The following GFER variants were observed in gnomAD, a reference collection of about 807,000 sequenced individuals.
GFER encodes growth factor, augmenter of liver regeneration.
A neutral mutation model predicts 18.2 loss-of-function variants in GFER; 24 were observed. That is an observed-to-expected ratio of 1.32 (90% CI 0.96 to 1.86). The LOEUF is 1.86. GFER is among the 40% of genes most tolerant of loss of function. The probability of loss-of-function intolerance (pLI) is 0.00; values close to 1 mark genes in which losing one functional copy is unlikely to be tolerated. For missense variants in GFER, 316 were observed against 295.6 expected (o/e 1.07, Z -0.51); for synonymous variants, 138 against 126.9 (o/e 1.09, Z -0.59).
chr16:1,985,042 G>C, intron 2 of GFER, 99 bp downstream of exon 2: 1 of 958,798 alleles, frequency 1.0e-6, no homozygotes, highest in Non-Finnish European at 1.6e-6. Context: ...CGGATGCAGA[G>C]GTGGCAGAAG....
intron 2 of GFER, 109 bp from the exon 3 acceptor site, chr16:1,985,757 G>A (rs1421063527): frequency 2.3e-5 from 23 of 1,007,116 alleles, no homozygotes; most frequent in South Asian, 1.3e-5. Context: ...ACTCCCAGGT[G>A]TAGTTCACAG....
chr16:1,984,515 C>T (rs2083551652), intron 1 of GFER, 39 bp downstream of exon 1: 5 of 1,542,438 alleles, frequency 3.2e-6, no homozygotes, highest in East Asian at 2.4e-5. Context: ...CCCCGCGCAG[C>T]CCCTGTCCCC....
rs1334563929 is a variant in GFER, at chr16:1,984,349, C to T, written c.131C>T (p.Ala44Val). The T allele has an allele frequency of 6.6e-7, 1 of 1,509,452 alleles. No individual in the cohort carries two copies. 93.5% of individuals were successfully genotyped at this position (1,509,452 alleles called of 1,614,324 possible). Residue 44 changes from alanine to valine, a missense_variant, in exon 1 of 3, where the codon GCG (alanine) becomes GTG (valine). By Grantham distance (64) the Ala-to-Val change is moderately conservative. Transcript: ENST00000248114. ...GGCCGGGGCGCGGGGCGGAGAGACGCGGCCGCCTCGGCCTCGACGCCAGCC... is the reference window on the plus strand; with the variant it reads ...GGCCGGGGCGCGGGGCGGAGAGACGTGGCCGCCTCGGCCTCGACGCCAGCC... The part of the protein sequence containing the change: ...ARGRGAGRRD[A>V]AASASTPAQA...
At position 1,984,274 on chromosome 16, in the gene GFER, C is replaced by CG; in HGVS notation, c.62dup (p.Ala22ArgfsTer71). ...CACGGCGGGAACCTCTTCTTCCTGCCGGGGGGCGCGCGCTCCGAGATGATG... is the reference window on the plus strand; with the variant it reads ...CACGGCGGGAACCTCTTCTTCCTGCCGGGGGGGCGCGCGCTCCGAGATGATG... On this transcript the variant is annotated frameshift_variant, in exon 1 of 3. Coordinates refer to ENST00000248114, the MANE Select transcript of GFER (RefSeq NM_005262.3). LOFTEE classifies it high-confidence loss of function. 2.7e-6 allele frequency: 4 copies of CG among 1,478,922 alleles called. No homozygotes were observed. The highest frequency in any genetic ancestry group is 2.4e-5 in the Admixed American group (1 of 42,068). The allele number at this position is 1,478,922 out of a possible 1,614,324, so 91.6% of individuals were successfully genotyped here. A position where few individuals can be genotyped will look rare whatever the true frequency, so the allele number is the denominator to read the frequency against.
In GFER at chr16:1,986,147, A is replaced by T; in HGVS notation, c.*119A>T. 9.2e-7 allele frequency: 1 copy of T among 1,088,298 alleles called. No individual in the cohort carries two copies. Among genetic ancestry groups the T allele is most frequent in the Non-Finnish European group, 1.4e-6 (1 of 726,788 alleles). 67.4% of individuals were successfully genotyped at this position (1,088,298 alleles called of 1,614,324 possible). A position where few individuals can be genotyped will look rare whatever the true frequency, so the allele number is the denominator to read the frequency against. ...GTGTCTCAGTTGGGTGGTCCCCAGG[A>T]CACTGCCTGTGGGGACCTGCCCTGC... On this transcript the variant is annotated 3_prime_UTR_variant, in exon 3 of 3. Coordinates refer to ENST00000248114, the MANE Select transcript of GFER (RefSeq NM_005262.3).
chr16:1,985,779 C>G, intron 2 of GFER, 87 bp from the exon 3 acceptor site: 1 of 1,238,760 alleles, frequency 8.1e-7, no homozygotes. Flanking sequence ...AGTGCCCCAG[C>G]TCTCCTTCCT....
chr16:1,986,459 G>A lies in GFER; in HGVS notation c.*431G>A, dbSNP rs1003357467. 1.5e-5 allele frequency: 5 copies of A among 339,872 alleles called. No homozygotes were observed. Among genetic ancestry groups the A allele is most frequent in the South Asian group, 1.2e-4 (5 of 43,066 alleles). The allele number at this position is 339,872 out of a possible 1,614,324, so 21.1% of individuals were successfully genotyped here. On this transcript the variant is annotated 3_prime_UTR_variant, in exon 3 of 3. Transcript: ENST00000248114. Reference sequence around the variant, plus strand: ...AGCCAGGGATGCCCCTGCCCCCCATGGCTCTGTGCTGCTCACTTTAGGGGG... The same window carrying A: ...AGCCAGGGATGCCCCTGCCCCCCATAGCTCTGTGCTGCTCACTTTAGGGGG...
chr16:1,986,128 C>T lies in GFER; in HGVS notation c.*100C>T. ...ATCACAGCCAGAGCCTGTTGTGTCT[C>T]AGTTGGGTGGTCCCCAGGACACTGC... is the stretch of plus-strand genomic sequence containing the variant. On this transcript the variant is annotated 3_prime_UTR_variant, in exon 3 of 3. Transcript: ENST00000248114. 7.8e-7 allele frequency: 1 copy of T among 1,289,742 alleles called. No homozygotes were observed. Among genetic ancestry groups the T allele is most frequent in the East Asian group, 2.3e-5 (1 of 42,976 alleles). 79.9% of individuals were successfully genotyped at this position (1,289,742 alleles called of 1,614,324 possible).
Position 1,986,419 on chromosome 16 carries a change from G to C in GFER, c.*391G>C, listed in dbSNP as rs762340954. 26 of 355,036 alleles carry C rather than the reference G, an allele frequency of 7.3e-5. No individual in the cohort carries two copies. Among genetic ancestry groups the C allele is most frequent in the Non-Finnish European group, 1.3e-4 (24 of 181,096 alleles). The allele number at this position is 355,036 out of a possible 1,614,324, so 22.0% of individuals were successfully genotyped here. A position where few individuals can be genotyped will look rare whatever the true frequency, so the allele number is the denominator to read the frequency against. On this transcript the variant is annotated 3_prime_UTR_variant, in exon 3 of 3. Transcript: ENST00000248114. Reference sequence around the variant, plus strand: ...GCCTGTCCCTGGCGGCCAGGCCATTGCCTTCCCACTATGCAGCCAGGGATG... The same window carrying C: ...GCCTGTCCCTGGCGGCCAGGCCATTCCCTTCCCACTATGCAGCCAGGGATG...
chr16:1,987,672 G>GCC lies in GFER; in HGVS notation c.*1651_*1652dup, dbSNP rs372788926. ...TCTGCTGTCCCTCCCCTGCCCCCCTGCCCCCCCCACCGCCTTCCCTTTTTC... is the reference window on the plus strand; with the variant it reads ...TCTGCTGTCCCTCCCCTGCCCCCCTGCCCCCCCCCCACCGCCTTCCCTTTTTC... On this transcript the variant is annotated 3_prime_UTR_variant, in exon 3 of 3. Coordinates refer to ENST00000248114, the MANE Select transcript of GFER (RefSeq NM_005262.3). 2.3e-5 allele frequency: 3 copies of GCC among 127,966 alleles called. No individual in the cohort carries two copies. Among genetic ancestry groups the GCC allele is most frequent in the Non-Finnish European group, 5.0e-5 (3 of 60,304 alleles). 7.9% of individuals were successfully genotyped at this position (127,966 alleles called of 1,614,324 possible).
In GFER at chr16:1,984,472, A is replaced by G; in HGVS notation, c.254A>G (p.Gln85Arg). ...TTCAAGACGTGGATGCGGACGCAGC[A>G]GAAGGTGCAGTTCCCTGCCCGATTT... ...VDFKTWMRTQ[Q>R]KRDTKFREDC... Residue 85 changes from glutamine to arginine, a missense_variant, in exon 1 of 3, where the codon CAG (glutamine) becomes CGG (arginine). Physicochemically the swap from Gln to Arg is conservative, Grantham distance 43. Coordinates refer to ENST00000248114, the MANE Select transcript of GFER (RefSeq NM_005262.3). 1.9e-6 allele frequency: 3 copies of G among 1,558,658 alleles called. No individual in the cohort carries two copies. The highest frequency in any genetic ancestry group is 2.6e-6 in the Non-Finnish European group (3 of 1,156,124).
rs907938377 is a variant in GFER at position 1,986,304 on chromosome 16, G to C, written c.*276G>C. 4.1e-6 allele frequency: 2 copies of C among 483,644 alleles called. No homozygotes were observed. The highest frequency in any genetic ancestry group is 7.6e-6 in the Non-Finnish European group (2 of 262,036). 30.0% of individuals were successfully genotyped at this position (483,644 alleles called of 1,614,324 possible). A position where few individuals can be genotyped will look rare whatever the true frequency, so the allele number is the denominator to read the frequency against. ...GGAGGAGCAGCCTGGGCTGCCCCTT[G>C]ACATTCAGGATGTAGCTTCCTGCCC... On this transcript the variant is annotated 3_prime_UTR_variant, in exon 3 of 3. Coordinates refer to ENST00000248114, the MANE Select transcript of GFER (RefSeq NM_005262.3).
In GFER at chr16:1,986,728, C is replaced by T. The variant is rs768610681; in HGVS notation, c.*700C>T. On this transcript the variant is annotated 3_prime_UTR_variant, in exon 3 of 3. Coordinates refer to ENST00000248114, the MANE Select transcript of GFER (RefSeq NM_005262.3). The stretch of plus-strand genomic sequence containing the variant: ...GGGCTTAATAAAGCAGTAGACAGGG[C>T]TTGTTCCATCCCTCTGTGCTCAGCT... The T allele has an allele frequency of 3.1e-5, 5 of 160,960 alleles. No individual in the cohort carries two copies. Among genetic ancestry groups the T allele is most frequent in the Admixed American group, 1.1e-4 (2 of 17,472 alleles). 10.0% of individuals were successfully genotyped at this position (160,960 alleles called of 1,614,324 possible).
chr16:1,985,111 T>G, intron 2 of GFER, 168 bp downstream of exon 2: 1 of 674,480 alleles, frequency 1.5e-6, no homozygotes, highest in South Asian at 1.6e-5. Flanking sequence ...AGCCTCCTCC[T>G]CTCGTCTCAG....
intron 2 of GFER, chr16:1,985,146 C>T (rs773979514): frequency 1.3e-4 from 86 of 640,136 alleles, no homozygotes; most frequent in Admixed American, 3.2e-4. Flanking sequence ...GGATCTGCTG[C>T]TGGGTACTGC....
chr16:1,987,698 CCT>C lies in GFER; in HGVS notation c.*1671_*1672del, dbSNP rs1236939962. The C allele has an allele frequency of 2.6e-5, 4 of 151,222 alleles. No individual in the cohort carries two copies. The highest frequency in any genetic ancestry group is 9.7e-5 in the African/African-American group (4 of 41,204). The allele number at this position is 151,222 out of a possible 1,614,324, so 9.4% of individuals were successfully genotyped here. Reference sequence around the variant, plus strand: ...CCCCCCCCACCGCCTTCCCTTTTTCCCTGTCTTCCTTAAAGTTTCACTCCTGA... The same window carrying C: ...CCCCCCCCACCGCCTTCCCTTTTTCCGTCTTCCTTAAAGTTTCACTCCTGA... On this transcript the variant is annotated 3_prime_UTR_variant, in exon 3 of 3. Transcript: ENST00000248114.
In GFER at chr16:1,986,853, C is replaced by G. The variant is rs1433512460; in HGVS notation, c.*825C>G. ...CGTTGATTGGTTGGGGCAGGGGGGC[C>G]AGAGTAGCTGATGTAGGAGTACTGG... On this transcript the variant is annotated 3_prime_UTR_variant, in exon 3 of 3. Transcript: ENST00000248114. 1 of 152,802 alleles carries G rather than the reference C, an allele frequency of 6.5e-6. No individual in the cohort carries two copies. Among genetic ancestry groups the G allele is most frequent in the Non-Finnish European group, 1.5e-5 (1 of 68,608 alleles). The allele number at this position is 152,802 out of a possible 1,614,324, so 9.5% of individuals were successfully genotyped here.
At chr16:1,984,619 G>T in intron 1 of GFER, 128 bp from the exon 2 acceptor site, 1 of 1,357,688 alleles carries the variant, frequency 7.4e-7, no homozygotes, top group Non-Finnish European at 1.0e-6. Context: ...CTTCATCCGC[G>T]CGTGGGTTGG....
At chr16:1,985,788 C>T in intron 2 of GFER, 78 bp from the exon 3 acceptor site, 2 of 1,350,084 alleles carry the variant, frequency 1.5e-6, no homozygotes, top group Non-Finnish European at 2.1e-6. Flanking sequence ...GCTCTCCTTC[C>T]TTGACAGCAG....
Sources: gnomAD v4.1 joint callset for allele counts on GRCh38, gnomAD v4.1.1 for gene constraint, MANE v1.5 for transcripts, NCBI Gene and HGNC (gene_info 2026-07-23, HGNC 2026-07-21) for gene names.